LUZP1: variants seen among roughly 807,000 people sequenced by gnomAD.
LUZP1 encodes the protein filamin mechanobinding actin cross-linking protein.
LUZP1 carries 25 observed loss-of-function variants against 71.3 expected under a neutral mutation model. The observed-to-expected ratio is 0.35, with a 90% CI of 0.26 to 0.49. The LOEUF (loss-of-function observed/expected upper bound fraction) is 0.49, where lower values mean the gene tolerates loss of function less well. Among genes scored for constraint, LUZP1 ranks in the 20% least tolerant of loss-of-function variants. The probability of loss-of-function intolerance (pLI) is 0.99; values close to 1 mark genes in which losing one functional copy is unlikely to be tolerated. For missense variants in LUZP1, 1,142 were observed against 1,300.8 expected (o/e 0.88, Z 1.88); for synonymous variants, 481 against 506.4 (o/e 0.95, Z 0.67).
At chr1:23,106,740 T>A (rs566866152) in intron 3 of LUZP1, among the ~76,000 whole-genome samples, 1 of 152,296 alleles carries the variant, frequency 6.6e-6, no homozygotes, top group Non-Finnish European at 1.5e-5. Context: ...AGGTCCAACC[T>A]ACCATCATCC....
intron 2 of LUZP1, among the ~76,000 whole-genome samples, chr1:23,147,956 A>G (rs948562291): frequency 6.6e-6 from 1 of 152,250 alleles, no homozygotes; most frequent in Non-Finnish European, 1.5e-5. Context: ...TACAATAGCT[A>G]CATTGTGTTT....
chr1:23,152,841 G>A (rs977625844), intron 2 of LUZP1, among the ~76,000 whole-genome samples: 3 of 151,980 alleles, frequency 2.0e-5, no homozygotes, highest in Non-Finnish European at 4.4e-5. Flanking sequence ...AATTCTACCA[G>A]TTTCATAAGC....
At chr1:23,092,715 T>A (rs1216676502) in exon 4 of LUZP1, 1 of 1,614,050 alleles carries the variant, frequency 6.2e-7, no homozygotes, top group Admixed American at 1.7e-5. Flanking sequence ...AACAGATCCA[T>A]GGGTGGTGTC....
At chr1:23,156,439 T>C (rs1386374358) in intron 2 of LUZP1, among the ~76,000 whole-genome samples, 1 of 152,204 alleles carries the variant, frequency 6.6e-6, no homozygotes, top group Non-Finnish European at 1.5e-5. Context: ...TTTCACCCTT[T>C]AATTATACTT....
chr1:23,114,441 G>A (rs1644061572), intron 2 of LUZP1, among the ~76,000 whole-genome samples: 2 of 152,120 alleles, frequency 1.3e-5, no homozygotes. Context: ...CAGGGGGTAT[G>A]GGGCTAAGGA....
chr1:23,143,525 T>G (rs1644321043), intron 2 of LUZP1, among the ~76,000 whole-genome samples: 1 of 152,194 alleles, frequency 6.6e-6, no homozygotes, highest in Non-Finnish European at 1.5e-5. Flanking sequence ...AAACACTGTC[T>G]ATAGTGTTTT....
In LUZP1 at chr1:23,117,377, A is replaced by G. The variant is rs138329535; in HGVS notation, c.-225-8250T>C. Among the ~76,000 whole-genome samples the G allele has an allele frequency of 4.7e-5, 7 of 150,342 alleles. No individual in the cohort carries two copies. In the East Asian group the frequency reaches 1.4e-3, roughly 30 times the overall value. On this transcript the variant is annotated intron_variant, in intron 2 of 4. Transcript: ENST00000302291. ...ATATACATTAAATGCCTAAGCACAT[A>G]ATGCCTGAACGAAAATATACCCTAC...
At chr1:23,142,676 G>A (rs1267759009) in intron 2 of LUZP1, among the ~76,000 whole-genome samples, 1 of 149,998 alleles carries the variant, frequency 6.7e-6, no homozygotes, top group African/African-American at 2.5e-5. Context: ...AATAAATGGT[G>A]GGTGCATAAA....
chr1:23,152,247 TTAAGGTA>T (rs1440576075), intron 2 of LUZP1, among the ~76,000 whole-genome samples: 1 of 152,182 alleles, frequency 6.6e-6, no homozygotes, highest in Non-Finnish European at 1.5e-5. Context: ...ACAGTGTTTA[TTAAGGTA>T]CGATTTTCAT....
At chr1:23,091,144 G>T in intron 4 of LUZP1, 46 bp downstream of exon 3, 1 of 1,531,836 alleles carries the variant, frequency 6.5e-7, no homozygotes, top group South Asian at 1.3e-5. Flanking sequence ...GGCAAAGAAG[G>T]AAAAGGGAGG....
At chr1:23,174,500 T>C (rs776585857) in intron 1 of LUZP1, among the ~76,000 whole-genome samples, 48 of 152,290 alleles carry the variant, frequency 3.2e-4, no homozygotes, top group Middle Eastern at 3.4e-3. Context: ...CCCAGTCAAA[T>C]TGACACATAA....
At chr1:23,147,655 T>C (rs1274333046) in intron 2 of LUZP1, among the ~76,000 whole-genome samples, 1 of 148,436 alleles carries the variant, frequency 6.7e-6, no homozygotes, top group African/African-American at 2.5e-5. Context: ...GATTATATAC[T>C]CATCCCAGAA....
chr1:23,095,096 A>G (rs1168890553), intron 3 of LUZP1, among the ~76,000 whole-genome samples: 1 of 152,240 alleles, frequency 6.6e-6, no homozygotes, highest in Non-Finnish European at 1.5e-5. Flanking sequence ...TAAGGTTGGT[A>G]TGAAGACTGG....
intron 2 of LUZP1, among the ~76,000 whole-genome samples, chr1:23,142,732 C>T (rs939520068): frequency 9.4e-6 from 1 of 106,166 alleles, no homozygotes; most frequent in Non-Finnish European, 2.0e-5. Flanking sequence ...CACACACACA[C>T]ACACACACAC....
chr1:23,089,150 C>G (rs1387893837), intron 4 of LUZP1, 97 bp from the exon 4 acceptor site: 3 of 1,204,976 alleles, frequency 2.5e-6, no homozygotes, highest in Non-Finnish European at 3.6e-6. Flanking sequence ...TCCAACCCAG[C>G]AGAGGCAGAT....
chr1:23,165,319 T>C (rs1012328330), intron 2 of LUZP1, among the ~76,000 whole-genome samples: 2 of 152,052 alleles, frequency 1.3e-5, no homozygotes, highest in Non-Finnish European at 2.9e-5. Context: ...ACACTTAAAA[T>C]TGGTGAATTT....
intron 2 of LUZP1, among the ~76,000 whole-genome samples, chr1:23,127,708 A>G (rs1413193596): frequency 2.0e-5 from 3 of 152,112 alleles, no homozygotes. Context: ...CATTTTTAGT[A>G]GAGACGGGGT....
At position 23,168,206 on chromosome 1, in the gene LUZP1, G is replaced by A. The variant is rs1257295750; in HGVS notation, c.-226+560C>T. ...CGCCCGCAGCTGGCCCCGCACGCCGGCCCGACGCGCTCCCAAACCGCCCTC... is the reference window on the plus strand; with the variant it reads ...CGCCCGCAGCTGGCCCCGCACGCCGACCCGACGCGCTCCCAAACCGCCCTC... On this transcript the variant is annotated intron_variant, in intron 2 of 4. Transcript: ENST00000302291. Among the ~76,000 whole-genome samples, 5 of 143,998 alleles carry A rather than the reference G, an allele frequency of 3.5e-5. No individual in the cohort carries two copies. In the East Asian group the frequency reaches 8.5e-4, roughly 24 times the overall value. The allele number at this position is 143,998 out of a possible 152,430, so 94.5% of individuals were successfully genotyped here.
At chr1:23,170,884 A>T (rs1644548563) in intron 1 of LUZP1, among the ~76,000 whole-genome samples, 1 of 151,832 alleles carries the variant, frequency 6.6e-6, no homozygotes, top group African/African-American at 2.4e-5. Context: ...TGAGTCCAGG[A>T]GTTTGAGACC....
Sources: allele counts gnomAD v4.1 joint callset (sites outside exome capture counted in the v4.1 genomes callset), GRCh38; gene constraint gnomAD v4.1.1; transcripts MANE v1.5; gene names NCBI Gene and HGNC (gene_info 2026-07-23, HGNC 2026-07-21).